Variants in MAP2K4 observed in about 807,000 individuals in gnomAD.
The protein encoded by MAP2K4 is dual specificity mitogen-activated protein kinase kinase 4.
In MAP2K4, 4 loss-of-function variants were observed where a neutral mutation model predicts 48.5. That is an observed-to-expected ratio of 0.08 (90% CI 0.04 to 0.19). MAP2K4 has a LOEUF of 0.19. MAP2K4 is among the 10% of genes least tolerant of loss of function. The probability of loss-of-function intolerance (pLI) is 1.00; values close to 1 mark genes in which losing one functional copy is unlikely to be tolerated. For missense variants in MAP2K4, 258 were observed against 493.3 expected, an observed-to-expected ratio of 0.52 and a Z score of 4.52; for synonymous variants, 166 against 173.1, an observed-to-expected ratio of 0.96 and a Z score of 0.32.
chr17:12,074,126 CA>C (rs1247434133), intron 2 of MAP2K4, among the ~76,000 whole-genome samples: 1 of 152,044 alleles, frequency 6.6e-6, no homozygotes, highest in East Asian at 1.9e-4. Context: ...TTCTGTCTTC[CA>C]CGTCTATATT....
At chr17:12,107,720 T>A (rs1972166765) in intron 4 of MAP2K4, 70 bp from the exon 5 acceptor site, 3 of 1,299,710 alleles carry the variant, frequency 2.3e-6, no homozygotes, top group African/African-American at 1.5e-5. Context: ...TTCTATTGTA[T>A]TTCCATTTTA....
intron 3 of MAP2K4, among the ~76,000 whole-genome samples, chr17:12,085,807 T>G (rs1392822843): frequency 6.6e-6 from 1 of 152,128 alleles, no homozygotes; most frequent in Non-Finnish European, 1.5e-5. Flanking sequence ...AACGGAACTT[T>G]AATCTGCTGG....
intron 9 of MAP2K4, among the ~76,000 whole-genome samples, chr17:12,135,961 A>G (rs568471070): frequency 1.3e-5 from 2 of 152,346 alleles, no homozygotes; most frequent in Non-Finnish European, 2.9e-5. Context: ...GAAGAGTCAA[A>G]GTAAATTAAA....
At chr17:12,082,333 CAG>C (rs1426434822) in intron 3 of MAP2K4, among the ~76,000 whole-genome samples, 2 of 152,096 alleles carry the variant, frequency 1.3e-5, no homozygotes, top group East Asian at 3.9e-4. Context: ...AAATCAGCAA[CAG>C]GGGGAACAAC....
chr17:12,051,295 C>G (rs1008157199), intron 1 of MAP2K4, among the ~76,000 whole-genome samples: 2 of 152,136 alleles, frequency 1.3e-5, no homozygotes, highest in African/African-American at 2.4e-5. Flanking sequence ...TTGCAAACAA[C>G]AAAGATTTAC....
At chr17:12,089,635 T>C (rs1316675561) in intron 3 of MAP2K4, among the ~76,000 whole-genome samples, 1 of 152,196 alleles carries the variant, frequency 6.6e-6, no homozygotes, top group Non-Finnish European at 1.5e-5. Flanking sequence ...GGTGTACCTG[T>C]GCAGCAGGGA....
intron 1 of MAP2K4, among the ~76,000 whole-genome samples, chr17:12,047,112 G>A (rs559827993): frequency 6.6e-6 from 1 of 152,140 alleles, no homozygotes; most frequent in East Asian, 1.9e-4. Flanking sequence ...CCCAAGAAAA[G>A]GACTATGAAT....
In MAP2K4 at chr17:12,141,669, A is replaced by G. The variant is rs1237265742; in HGVS notation, c.*409A>G. 6 of 247,766 alleles carry G rather than the reference A, an allele frequency of 2.4e-5. No individual in the cohort carries two copies. The highest frequency in any genetic ancestry group is 4.4e-5 in the African/African-American group (2 of 45,694). The allele number at this position is 247,766 out of a possible 1,614,324, so 15.3% of individuals were successfully genotyped here. On this transcript the variant is annotated 3_prime_UTR_variant, in exon 11 of 11. Transcript: ENST00000353533. ...AGTGATGAATGTACTATGTCTGAAC[A>G]TAGAAACTCGGGCTTGAGTGAGAAG...
chr17:12,032,941 TC>T (rs1301380354), intron 1 of MAP2K4, among the ~76,000 whole-genome samples: 1 of 152,142 alleles, frequency 6.6e-6, no homozygotes, highest in African/African-American at 2.4e-5. Context: ...CCTCAAGCGA[TC>T]CTCCTGTCTC....
At chr17:12,114,961 A>G (rs1972439410) in intron 7 of MAP2K4, among the ~76,000 whole-genome samples, 1 of 152,186 alleles carries the variant, frequency 6.6e-6, no homozygotes, top group Non-Finnish European at 1.5e-5. Flanking sequence ...ACCAGATGAA[A>G]TTCTTCTGTC....
intron 1 of MAP2K4, among the ~76,000 whole-genome samples, chr17:12,030,641 C>T (rs1371711482): frequency 1.3e-5 from 2 of 152,156 alleles, no homozygotes; most frequent in African/African-American, 4.8e-5. Context: ...ACTTATTAAG[C>T]AATGTAACTT....
chr17:12,116,509 C>T (rs756102474), intron 7 of MAP2K4, among the ~76,000 whole-genome samples: 6 of 151,902 alleles, frequency 3.9e-5, no homozygotes, highest in Non-Finnish European at 7.4e-5. Flanking sequence ...ATTTTTTTTA[C>T]TTTTTTGTAT....
chr17:12,131,546 G>A lies in MAP2K4; in HGVS notation c.1040+2259G>A, dbSNP rs567185692. Among the ~76,000 whole-genome samples, 306 of 151,876 alleles carry A rather than the reference G, an allele frequency of 2.0e-3. 1 individual carries two copies. The highest frequency in any genetic ancestry group is 7.1e-3 in the African/African-American group (294 of 41,434). On this transcript the variant is annotated intron_variant, in intron 9 of 10. Coordinates refer to ENST00000353533, the MANE Select transcript of MAP2K4 (RefSeq NM_003010.4). ...AGGCATGAGCCACTGCCCCCGGCCCGCTCTAGCCACATTTCTCATGACTTC... is the reference window on the plus strand; with the variant it reads ...AGGCATGAGCCACTGCCCCCGGCCCACTCTAGCCACATTTCTCATGACTTC...
intron 7 of MAP2K4, chr17:12,124,582 A>T (rs1972792688): frequency 6.6e-6 from 1 of 152,180 alleles, no homozygotes; most frequent in Admixed American, 6.5e-5. Flanking sequence ...TCATCCACCG[A>T]GCAAAGTCTT....
intron 1 of MAP2K4, among the ~76,000 whole-genome samples, chr17:12,045,528 C>T (rs1332574203): frequency 6.6e-6 from 1 of 152,182 alleles, no homozygotes; most frequent in Non-Finnish European, 1.5e-5. Context: ...CTTTTCTTGA[C>T]ATAGCTTTCA....
intron 8 of MAP2K4, among the ~76,000 whole-genome samples, chr17:12,127,113 C>T (rs1181902806): frequency 6.6e-6 from 1 of 152,204 alleles, no homozygotes; most frequent in African/African-American, 2.4e-5. Context: ...CTTGATGAAT[C>T]ATATTGCTAG....
intron 1 of MAP2K4, among the ~76,000 whole-genome samples, chr17:12,034,787 G>C (rs972415619): frequency 6.6e-6 from 1 of 152,216 alleles, no homozygotes; most frequent in South Asian, 2.1e-4. Flanking sequence ...TGCTCCTGCT[G>C]TTCTCTCATG....
chr17:12,132,480 G>C (rs1973059855), intron 9 of MAP2K4, among the ~76,000 whole-genome samples: 1 of 152,070 alleles, frequency 6.6e-6, no homozygotes, highest in Non-Finnish European at 1.5e-5. Context: ...AGTATGTATG[G>C]TTCTATTTCT....
At chr17:12,135,570 GA>G (rs1160395617) in intron 9 of MAP2K4, among the ~76,000 whole-genome samples, 1 of 151,406 alleles carries the variant, frequency 6.6e-6, no homozygotes, top group Non-Finnish European at 1.5e-5. Context: ...ATTTATTTAG[GA>G]CAGAGTCTGG....
Sources: allele counts gnomAD v4.1 joint callset (sites outside exome capture counted in the v4.1 genomes callset), GRCh38; gene constraint gnomAD v4.1.1; transcripts MANE v1.5; gene names NCBI Gene and HGNC (gene_info 2026-07-23, HGNC 2026-07-21).